CACNA1I: variants seen among roughly 807,000 people sequenced by gnomAD.
CACNA1I encodes the protein calcium voltage-gated channel subunit alpha1 I.
CACNA1I carries 74 observed loss-of-function variants against 201.6 expected under a neutral mutation model. The ratio of observed to expected loss-of-function variants is 0.37; its 90% CI spans 0.30 to 0.45. CACNA1I has a LOEUF of 0.45. Ranked by LOEUF, CACNA1I falls within the 20% of genes least tolerant of loss-of-function variation. The pLI is 1.00. For missense variants in CACNA1I, 2,346 were observed against 3,138.1 expected (o/e 0.75, Z 6.03); for synonymous variants, 1,431 against 1,345.2 (o/e 1.06, Z -1.40).
At position 39,640,933 on chromosome 22, in the gene CACNA1I, C is replaced by T. The variant is rs772556029; in HGVS notation, c.807C>T (p.Cys269=). ...AGGATGATGAGATGCCCTTCATCTG[C>T]TCCCTGTCGGGCGACAATGGGATAA... ...PEEDDEMPFI[C]SLSGDNGIMG... is the part of the protein sequence containing the mutation. Residue 269 remains cysteine (C), a synonymous_variant, in exon 6 of 37, where the codon TGC becomes TGT. Coordinates refer to ENST00000402142, the MANE Select transcript of CACNA1I (RefSeq NM_021096.4). The T allele has an allele frequency of 1.2e-5, 19 of 1,613,866 alleles. No individual in the cohort carries two copies. In the African/African-American group the frequency reaches 1.3e-4, roughly 11 times the overall value.
In CACNA1I at chr22:39,684,463, C is replaced by T. The variant is rs552839473; in HGVS notation, c.5992C>T (p.Arg1998Trp). ...GCTGCAGGGCTCCTGGGCATCTCTG[C>T]GGTCACCAAGGGTCAACTGTACCCT... ...IALQGSWASL[R>W]SPRVNCTLLR... The change falls in exon 36 of 37, where the codon CGG becomes TGG. Residue 1998 changes from arginine to tryptophan, a missense_variant. Coordinates refer to ENST00000402142, the MANE Select transcript of CACNA1I (RefSeq NM_021096.4). This position sits in a 1 kb window ranked among gnomAD's most constrained non-coding sequence, Gnocchi z 4.6. 23 of 1,613,302 alleles carry T rather than the reference C, an allele frequency of 1.4e-5. No individual in the cohort carries two copies. The highest frequency in any genetic ancestry group is 4.4e-5 in the South Asian group (4 of 91,014).
Position 39,607,895 on chromosome 22 carries a change from CG to C in CACNA1I, c.482+7251del, listed in dbSNP as rs34811604. On this transcript the variant is annotated intron_variant, in intron 3 of 36. Coordinates refer to ENST00000402142, the MANE Select transcript of CACNA1I (RefSeq NM_021096.4). Reference sequence around the variant, plus strand: ...ATCCCAGCACTTTGGGGTGCCAAGGCGGGGGGGGGTCACCTGAGGTCAGGAG... The same window carrying C: ...ATCCCAGCACTTTGGGGTGCCAAGGCGGGGGGGGTCACCTGAGGTCAGGAG... Among the ~76,000 whole-genome samples the C allele has an allele frequency of 2.9e-4, 41 of 139,352 alleles. 1 individual carries two copies. The highest frequency in any genetic ancestry group is 1.2e-3 in the South Asian group (5 of 4,318). The allele number at this position is 139,352 out of a possible 152,430, so 91.4% of individuals were successfully genotyped here. A position where few individuals can be genotyped will look rare whatever the true frequency, so the allele number is the denominator to read the frequency against.
intron 28 of CACNA1I, among the ~76,000 whole-genome samples, chr22:39,673,398 C>T (rs1185250201): frequency 6.6e-6 from 1 of 152,202 alleles, no homozygotes; most frequent in Non-Finnish European, 1.5e-5. Context: ...TGCAAGGAAC[C>T]CAGTCCAACT....
At chr22:39,573,549 A>G (rs1021779219) in intron 1 of CACNA1I, among the ~76,000 whole-genome samples, 2 of 151,918 alleles carry the variant, frequency 1.3e-5, no homozygotes, top group Admixed American at 1.3e-4. Context: ...TAAAAAGGAG[A>G]CGGCAGACGA....
At chr22:39,662,520 G>C in intron 17 of CACNA1I, 85 bp downstream of exon 17, 2 of 1,093,404 alleles carry the variant, frequency 1.8e-6, no homozygotes, top group South Asian at 1.7e-5. Flanking sequence ...GGCCCGAGCG[G>C]GCGGGCCCAC....
chr22:39,673,504 G>A (rs993022663), intron 28 of CACNA1I, among the ~76,000 whole-genome samples: 1 of 152,212 alleles, frequency 6.6e-6, no homozygotes. Context: ...CTCCCCTCAA[G>A]GTAGTTCGTA....
rs1934561848 is a variant in CACNA1I, at chr22:39,648,663, C to G, written c.1567+737C>G. On this transcript the variant is annotated intron_variant, in intron 9 of 36. Coordinates refer to ENST00000402142, the MANE Select transcript of CACNA1I (RefSeq NM_021096.4). The surrounding 1 kb of genome is among the most constrained non-coding windows in gnomAD (Gnocchi z 5.4). ...GGAAATGAAGGGTAGGCGTGACATG[C>G]TTTTCTTTCCCTTTCATGTTACTTT... Among the ~76,000 whole-genome samples, 1 of 152,104 alleles carries G rather than the reference C, an allele frequency of 6.6e-6. No homozygotes were observed. The highest frequency in any genetic ancestry group is 1.5e-5 in the Non-Finnish European group (1 of 68,018).
At chr22:39,598,985 T>C (rs1247789419) in intron 2 of CACNA1I, among the ~76,000 whole-genome samples, 2 of 133,842 alleles carry the variant, frequency 1.5e-5, no homozygotes, top group Non-Finnish European at 3.1e-5. Context: ...TCTCACTGTG[T>C]CGCCCCAGGC....
chr22:39,603,116 A>G (rs556799100), intron 3 of CACNA1I, among the ~76,000 whole-genome samples: 1 of 149,996 alleles, frequency 6.7e-6, no homozygotes, highest in South Asian at 2.1e-4. Context: ...TGATCGTGCC[A>G]TTGCACTCTA....
At chr22:39,585,629 CT>C (rs1392767783) in intron 1 of CACNA1I, among the ~76,000 whole-genome samples, 3 of 146,678 alleles carry the variant, frequency 2.0e-5, no homozygotes, top group African/African-American at 5.1e-5. Context: ...CTCGAGTGAT[CT>C]GCCCACCTCG....
In CACNA1I at chr22:39,664,724, C is replaced by T. The variant is rs1406555990; in HGVS notation, c.3667-15C>T. ...CTCCCGCGGCAGCCTGACCCCGGCC[C>T]CACCCCCGCCCCAGGTAGTCTCGCT... On this transcript the variant is annotated splice_polypyrimidine_tract_variant and intron_variant, in intron 20 of 36. Coordinates refer to ENST00000402142, the MANE Select transcript of CACNA1I (RefSeq NM_021096.4). 2.1e-6 allele frequency: 3 copies of T among 1,462,964 alleles called. No individual in the cohort carries two copies. Among genetic ancestry groups the T allele is most frequent in the Middle Eastern group, 1.8e-4 (1 of 5,594 alleles). The allele number at this position is 1,462,964 out of a possible 1,614,324, so 90.6% of individuals were successfully genotyped here.
chr22:39,679,007 C>T (rs1935597903), intron 31 of CACNA1I, 100 bp from the exon 32 acceptor site: 8 of 895,710 alleles, frequency 8.9e-6, no homozygotes, highest in African/African-American at 1.7e-5. Flanking sequence ...GGTTGAATCT[C>T]GGTCTTGCTG....
intron 6 of CACNA1I, 72 bp downstream of exon 6, chr22:39,641,254 G>T (rs1280211598): frequency 7.4e-7 from 1 of 1,351,494 alleles, no homozygotes; most frequent in Non-Finnish European, 1.0e-6. Context: ...AGGGCTCTGT[G>T]CTAGGCATTT....
chr22:39,610,318 C>A (rs551376228), intron 3 of CACNA1I, among the ~76,000 whole-genome samples: 1 of 152,230 alleles, frequency 6.6e-6, no homozygotes, highest in African/African-American at 2.4e-5. Flanking sequence ...CACCCAGGCA[C>A]GAAAGAGCTG....
At chr22:39,655,264 C>T (rs1001260867) in intron 10 of CACNA1I, among the ~76,000 whole-genome samples, 3 of 85,592 alleles carry the variant, frequency 3.5e-5, no homozygotes, top group Admixed American at 1.4e-4. Flanking sequence ...GAGGGCTTCC[C>T]GGGGGGCAGC....
intron 24 of CACNA1I, 35 bp from the exon 25 acceptor site, chr22:39,670,003 A>C: frequency 6.2e-7 from 1 of 1,611,210 alleles, no homozygotes; most frequent in Non-Finnish European, 8.5e-7. Context: ...GTAGGGCCCA[A>C]TCAGCCTCCT....
Position 39,619,325 on chromosome 22 carries a change from C to T in CACNA1I, c.498C>T (p.Ser166=), listed in dbSNP as rs1357937455. Residue 166 remains serine (S), a synonymous_variant, in exon 4 of 37, where the codon TCC becomes TCT. Transcript: ENST00000402142. ...TTCTCTGCAGGATGGTCGAGTACTCCCTGGACCTTCAGAACATCAACCTGT... is the reference window on the plus strand; with the variant it reads ...TTCTCTGCAGGATGGTCGAGTACTCTCTGGACCTTCAGAACATCAACCTGT... ...FIVMAGMVEY[S]LDLQNINLSA... 2 of 1,609,088 alleles carry T rather than the reference C, an allele frequency of 1.2e-6. No individual in the cohort carries two copies. The highest frequency in any genetic ancestry group is 1.7e-6 in the Non-Finnish European group (2 of 1,179,502).
In CACNA1I at chr22:39,678,054, C is replaced by T. The variant is rs781161533; in HGVS notation, c.5001C>T (p.Ala1667=). 6.2e-7 allele frequency: 1 copy of T among 1,609,242 alleles called. No homozygotes were observed. Among genetic ancestry groups the T allele is most frequent in the South Asian group, 1.1e-5 (1 of 89,836 alleles). ...CCACCTTCGAGAACTTCGGCATGGC[C>T]TTCCTCACACTCTTCCAGGTCTCCA... ...RHATFENFGM[A]FLTLFQVSTG... is the part of the protein sequence containing the mutation. The change falls in exon 31 of 37, where the codon GCC becomes GCT. Residue 1667 remains alanine, a synonymous_variant. Transcript: ENST00000402142.
Position 39,662,148 on chromosome 22 carries a change from G to T in CACNA1I, c.3085G>T (p.Ala1029Ser), listed in dbSNP as rs1487631334. Reference sequence around the variant, plus strand: ...TGCCGCGGACGAGGGGCCGCCGCGGGCCGCACCCCTGCACACCCCACACGC... The same window carrying T: ...TGCCGCGGACGAGGGGCCGCCGCGGTCCGCACCCCTGCACACCCCACACGC... ...EVAADEGPPR[A>S]APLHTPHAHH... The change falls in exon 17 of 37, where the codon GCC (alanine) becomes TCC (serine). Residue 1029 changes from alanine to serine, a missense_variant. Ala to Ser is a moderately conservative substitution (Grantham distance 99, BLOSUM62 1). Coordinates refer to ENST00000402142, the MANE Select transcript of CACNA1I (RefSeq NM_021096.4). 1 of 1,527,092 alleles carries T rather than the reference G, an allele frequency of 6.5e-7. No individual in the cohort carries two copies. The highest frequency in any genetic ancestry group is 1.2e-5 in the South Asian group (1 of 82,334). 94.6% of individuals were successfully genotyped at this position (1,527,092 alleles called of 1,614,324 possible).
Sources: gnomAD v4.1 joint callset for allele counts (sites outside exome capture counted in the v4.1 genomes callset) on GRCh38, gnomAD v4.1.1 for gene constraint, Gnocchi (gnomAD v3.1) non-coding constraint, MANE v1.5 for transcripts, NCBI Gene and HGNC (gene_info 2026-07-23, HGNC 2026-07-21) for gene names.